The following RALGAPB variants were observed in gnomAD, a reference collection of about 807,000 sequenced individuals.
RALGAPB encodes the protein Ral GTPase activating protein non-catalytic subunit beta.
A neutral mutation model predicts 161.1 loss-of-function variants in RALGAPB; 25 were observed. That is an observed-to-expected ratio of 0.16 (90% CI 0.11 to 0.22). The LOEUF (loss-of-function observed/expected upper bound fraction) is 0.22. Among genes scored for constraint, RALGAPB ranks in the 10% least tolerant of loss-of-function variants. The probability of loss-of-function intolerance (pLI) is 1.00; values close to 1 mark genes in which losing one functional copy is unlikely to be tolerated. For missense variants in RALGAPB, 1,391 were observed against 1,815.2 expected (o/e 0.77, Z 4.25); for synonymous variants, 629 against 626.1 (o/e 1.00, Z -0.07).
At chr20:38,555,393 AT>A (rs11476400) in intron 22 of RALGAPB, among the ~76,000 whole-genome samples, 292 of 151,920 alleles carry the variant, frequency 1.9e-3, no homozygotes, top group Non-Finnish European at 3.4e-3. Context: ...GTATTTTTGT[AT>A]TTTTTTTGTA....
chr20:38,534,166 AAAAC>A (rs999728974), intron 15 of RALGAPB, among the ~76,000 whole-genome samples: 4 of 151,886 alleles, frequency 2.6e-5, no homozygotes, highest in South Asian at 2.1e-4. Context: ...ACAGAAAACA[AAAAC>A]AAAAAAAGAA....
chr20:38,570,182 A>T (rs2088180153), intron 27 of RALGAPB, among the ~76,000 whole-genome samples, 186 bp downstream of exon 27: 2 of 152,138 alleles, frequency 1.3e-5, no homozygotes. Flanking sequence ...TCCTCTGTTA[A>T]ATCCTGGTAC....
In RALGAPB at chr20:38,578,004, G is replaced by A. The variant is rs1345152270; in HGVS notation, c.*3037G>A. On this transcript the variant is annotated 3_prime_UTR_variant, in exon 30 of 30. Transcript: ENST00000262879. ...GGAAGGTGGAGCTTTACCCAAAGTG[G>A]AAGTTAGCCTTGCTCAAAGATGTGT... The A allele has an allele frequency of 6.6e-6, 1 of 152,158 alleles. No individual in the cohort carries two copies. Among genetic ancestry groups the A allele is most frequent in the Non-Finnish European group, 1.5e-5 (1 of 68,028 alleles). The allele number at this position is 152,158 out of a possible 1,614,324, so 9.4% of individuals were successfully genotyped here.
chr20:38,481,368 T>C (rs1464933422), intron 1 of RALGAPB, among the ~76,000 whole-genome samples: 1 of 152,182 alleles, frequency 6.6e-6, no homozygotes, highest in African/African-American at 2.4e-5. Flanking sequence ...AGAAAGAGGT[T>C]TAATGGAGAA....
In RALGAPB at chr20:38,472,953, G is replaced by A; in HGVS notation, c.-147G>A. ...GTGGACTGACGGACCGCCTGAGGAC[G>A]GCCGGCCAGGGCGGTGAAAGCGCCA... On this transcript the variant is annotated 5_prime_UTR_variant, in exon 1 of 30. Transcript: ENST00000262879. 1 of 398,756 alleles carries A rather than the reference G, an allele frequency of 2.5e-6. No homozygotes were observed. Among genetic ancestry groups the A allele is most frequent in the Non-Finnish European group, 4.4e-6 (1 of 225,842 alleles). 24.7% of individuals were successfully genotyped at this position (398,756 alleles called of 1,614,324 possible). A position where few individuals can be genotyped will look rare whatever the true frequency, so the allele number is the denominator to read the frequency against.
chr20:38,511,590 A>T (rs903514190), intron 6 of RALGAPB, among the ~76,000 whole-genome samples: 2 of 152,194 alleles, frequency 1.3e-5, no homozygotes, highest in Non-Finnish European at 2.9e-5. Context: ...TTGCACCGCC[A>T]TTAATCCATT....
At chr20:38,562,837 A>T in intron 24 of RALGAPB, 140 bp downstream of exon 24, 2 of 888,326 alleles carry the variant, frequency 2.3e-6, no homozygotes, top group Non-Finnish European at 3.2e-6. Context: ...TGTCTTCAAG[A>T]AGCCAAGGTG....
intron 15 of RALGAPB, 94 bp from the exon 16 acceptor site, chr20:38,534,980 C>T: frequency 7.0e-7 from 1 of 1,437,838 alleles, no homozygotes; most frequent in East Asian, 2.3e-5. Context: ...ACTGTGGCTG[C>T]TGTGGTCTGT....
intron 24 of RALGAPB, among the ~76,000 whole-genome samples, chr20:38,564,990 C>CGG (rs2087941350): frequency 6.7e-6 from 1 of 150,368 alleles, no homozygotes; most frequent in African/African-American, 2.5e-5. Context: ...TGCCTGCCTG[C>CGG]CTGCCTGCCT....
In RALGAPB at chr20:38,543,936, G is replaced by A. The variant is rs2087064501; in HGVS notation, c.2715-2307G>A. Among the ~76,000 whole-genome samples, 3 of 152,086 alleles carry A rather than the reference G, an allele frequency of 2.0e-5. 1 individual carries two copies. The highest frequency in any genetic ancestry group is 4.1e-4 in the South Asian group (2 of 4,824). On this transcript the variant is annotated intron_variant, in intron 18 of 29. Coordinates refer to ENST00000262879, the MANE Select transcript of RALGAPB (RefSeq NM_020336.4). ...ATGTGATCCGTGCTAGTGTTGTCTC[G>A]CCAGTCTGGGGAGCACATTTACCTC...
At chr20:38,545,143 C>T (rs1357815521) in intron 18 of RALGAPB, among the ~76,000 whole-genome samples, 1 of 152,086 alleles carries the variant, frequency 6.6e-6, no homozygotes, top group African/African-American at 2.4e-5. Context: ...TTCTAAATAC[C>T]TTGATAAAAA....
At chr20:38,530,150 T>C (rs942319457) in intron 13 of RALGAPB, among the ~76,000 whole-genome samples, 2 of 152,214 alleles carry the variant, frequency 1.3e-5, no homozygotes, top group African/African-American at 2.4e-5. Context: ...TTTACTGCAG[T>C]GTTCAGTCTG....
chr20:38,534,684 C>T (rs1033818608), intron 15 of RALGAPB, among the ~76,000 whole-genome samples: 2 of 152,044 alleles, frequency 1.3e-5, no homozygotes, highest in African/African-American at 2.4e-5. Context: ...CTGAGGAGGC[C>T]GTAAAATTAG....
chr20:38,483,590 A>T (rs1195565141), intron 1 of RALGAPB, among the ~76,000 whole-genome samples: 1 of 152,194 alleles, frequency 6.6e-6, no homozygotes. Context: ...CAAAACGTTC[A>T]TGCTATCCTT....
intron 1 of RALGAPB, among the ~76,000 whole-genome samples, chr20:38,487,612 A>G (rs1253070068): frequency 1.3e-5 from 2 of 152,210 alleles, no homozygotes; most frequent in Admixed American, 1.3e-4. Context: ...TTTAGAAGAA[A>G]GTAAAATCAG....
chr20:38,533,435 G>C (rs186267180), intron 15 of RALGAPB, among the ~76,000 whole-genome samples: 65 of 152,332 alleles, frequency 4.3e-4, no homozygotes, highest in East Asian at 3.9e-3. Flanking sequence ...GATTCTGTGA[G>C]TTTGTGGGTA....
intron 9 of RALGAPB, among the ~76,000 whole-genome samples, chr20:38,519,386 A>G (rs2086224124): frequency 6.6e-6 from 1 of 151,436 alleles, no homozygotes; most frequent in Non-Finnish European, 1.5e-5. Context: ...AATCAGTCCT[A>G]TTTTTCTTTT....
intron 1 of RALGAPB, among the ~76,000 whole-genome samples, chr20:38,487,526 T>C (rs2085152826): frequency 6.6e-6 from 1 of 152,148 alleles, no homozygotes; most frequent in African/African-American, 2.4e-5. Context: ...ATTTAATATA[T>C]GACAGAATTA....
intron 16 of RALGAPB, among the ~76,000 whole-genome samples, chr20:38,539,563 A>G (rs1457265923): frequency 6.6e-6 from 1 of 152,180 alleles, no homozygotes; most frequent in Non-Finnish European, 1.5e-5. Flanking sequence ...TGCTAATGAA[A>G]TACTGTTTGA....
Sources: gnomAD v4.1 joint callset for allele counts (sites outside exome capture counted in the v4.1 genomes callset) on GRCh38, gnomAD v4.1.1 for gene constraint, MANE v1.5 for transcripts, NCBI Gene and HGNC (gene_info 2026-07-23, HGNC 2026-07-21) for gene names.